HTR7: variants seen among roughly 807,000 people sequenced by gnomAD.
The protein encoded by HTR7 is 5-hydroxytryptamine receptor 7, also known as 5-HT-7.
Under a neutral mutation model 34.0 loss-of-function variants are expected in HTR7, and 16 were observed. The observed-to-expected ratio is 0.47, with a 90% CI of 0.32 to 0.71. HTR7 has a LOEUF of 0.71. HTR7 is among the 30% of genes least tolerant of loss of function. The pLI is 0.04. For synonymous variants in HTR7, 265 were observed against 260.2 expected, an observed-to-expected ratio of 1.02 and a Z score of -0.18; for missense variants, 504 against 625.5, an observed-to-expected ratio of 0.81 and a Z score of 2.07.
At chr10:90,840,214 CAT>C (rs1001786361) in intron 1 of HTR7, among the ~76,000 whole-genome samples, 1 of 149,014 alleles carries the variant, frequency 6.7e-6, no homozygotes, top group African/African-American at 2.5e-5. Flanking sequence ...CACACACACA[CAT>C]CTGGCCTCTC....
intron 1 of HTR7, among the ~76,000 whole-genome samples, chr10:90,845,093 C>T (rs2120104783): frequency 6.6e-6 from 1 of 152,188 alleles, no homozygotes; most frequent in Non-Finnish European, 1.5e-5. Flanking sequence ...ACTTGGTGAT[C>T]AGTAAGTGAC....
At chr10:90,788,943 G>A (rs1470072307) in intron 1 of HTR7, among the ~76,000 whole-genome samples, 1 of 152,126 alleles carries the variant, frequency 6.6e-6, no homozygotes, top group African/African-American at 2.4e-5. Flanking sequence ...CCTTGCTCAA[G>A]TGTCACCTCT....
At chr10:90,840,173 T>TCA (rs1564700009) in intron 1 of HTR7, among the ~76,000 whole-genome samples, 1 of 125,604 alleles carries the variant, frequency 8.0e-6, no homozygotes, top group Admixed American at 7.8e-5. Flanking sequence ...TCTCTCTCTC[T>TCA]CTCTCACACA....
chr10:90,765,891 TATG>T (rs1483344837), intron 1 of HTR7, among the ~76,000 whole-genome samples: 2 of 152,246 alleles, frequency 1.3e-5, no homozygotes, highest in Non-Finnish European at 2.9e-5. Flanking sequence ...AGATACTTGA[TATG>T]ATATTAATCT....
chr10:90,796,615 T>C (rs772332827), intron 1 of HTR7, among the ~76,000 whole-genome samples: 3 of 152,204 alleles, frequency 2.0e-5, no homozygotes, highest in East Asian at 3.9e-4. Context: ...GGGAGGCTAA[T>C]GTGGAAGGAT....
chr10:90,845,106 T>G (rs1846394339), intron 1 of HTR7, among the ~76,000 whole-genome samples: 1 of 152,144 alleles, frequency 6.6e-6, no homozygotes, highest in Non-Finnish European at 1.5e-5. Flanking sequence ...TAAGTGACAG[T>G]GGAAAGCTGA....
At chr10:90,811,653 C>T (rs1333964668) in intron 1 of HTR7, among the ~76,000 whole-genome samples, 2 of 152,098 alleles carry the variant, frequency 1.3e-5, no homozygotes, top group Non-Finnish European at 2.9e-5. Flanking sequence ...TATGCTACTA[C>T]TCCTCAGGGA....
At chr10:90,814,773 C>T (rs1031632285) in intron 1 of HTR7, among the ~76,000 whole-genome samples, 3 of 152,230 alleles carry the variant, frequency 2.0e-5, no homozygotes, top group African/African-American at 7.2e-5. Context: ...CTGGATGGAC[C>T]AAAGGGATTT....
At chr10:90,769,601 T>C (rs1845075856) in intron 1 of HTR7, among the ~76,000 whole-genome samples, 1 of 152,222 alleles carries the variant, frequency 6.6e-6, no homozygotes, top group Non-Finnish European at 1.5e-5. Flanking sequence ...AATTATTTTC[T>C]GGTTTAAAGT....
At chr10:90,854,337 G>A (rs1490603980) in intron 1 of HTR7, among the ~76,000 whole-genome samples, 1 of 152,128 alleles carries the variant, frequency 6.6e-6, no homozygotes, top group Non-Finnish European at 1.5e-5. Flanking sequence ...CTGGGTAACA[G>A]AGTGAGATTC....
In HTR7 at chr10:90,857,438, T is replaced by C. The variant is rs2120145960; in HGVS notation, c.234A>G (p.Arg78=). ...SGCGEQINYG[R]VEKVVIGSIL... The stretch of plus-strand genomic sequence containing the variant: ...TGGAGCCGATCACAACTTTCTCGAC[T>C]CTGCCGTAGTTGATCTGTTCCCCAC... The change falls in exon 1 of 4, where the codon AGA becomes AGG. Residue 78 remains arginine (R), a synonymous_variant. Transcript: ENST00000336152. This position sits in a 1 kb window ranked among gnomAD's most constrained non-coding sequence, Gnocchi z 6.5. 1 of 1,613,980 alleles carries C rather than the reference T, an allele frequency of 6.2e-7. No homozygotes were observed. The highest frequency in any genetic ancestry group is 1.1e-5 in the South Asian group (1 of 91,082).
At chr10:90,771,910 A>T (rs550337652) in intron 1 of HTR7, among the ~76,000 whole-genome samples, 1 of 152,206 alleles carries the variant, frequency 6.6e-6, no homozygotes, top group Non-Finnish European at 1.5e-5. Context: ...AAAATGAGAG[A>T]TTAAAAGGGA....
At chr10:90,844,833 T>C (rs899615938) in intron 1 of HTR7, among the ~76,000 whole-genome samples, 1 of 143,880 alleles carries the variant, frequency 7.0e-6, no homozygotes, top group African/African-American at 2.6e-5. Context: ...TTTTCAAATA[T>C]ACTGATGTGA....
At chr10:90,810,936 A>G (rs561099580) in intron 1 of HTR7, among the ~76,000 whole-genome samples, 1 of 152,148 alleles carries the variant, frequency 6.6e-6, no homozygotes, top group South Asian at 2.1e-4. Flanking sequence ...CACCTTCTAC[A>G]TCCTAGGCAT....
chr10:90,766,741 A>G (rs182680191), intron 1 of HTR7, among the ~76,000 whole-genome samples: 255 of 152,332 alleles, frequency 1.7e-3, no homozygotes, highest in Middle Eastern at 3.4e-3. Flanking sequence ...TACATAAAAT[A>G]TCTTATAGTT....
chr10:90,788,235 T>C (rs950076562), intron 1 of HTR7, among the ~76,000 whole-genome samples: 2 of 152,142 alleles, frequency 1.3e-5, no homozygotes, highest in Non-Finnish European at 2.9e-5. Context: ...CTCTGACAGC[T>C]GATCTGATAA....
intron 1 of HTR7, among the ~76,000 whole-genome samples, chr10:90,761,283 T>C (rs1844930108): frequency 6.6e-6 from 1 of 152,322 alleles, no homozygotes; most frequent in African/African-American, 2.4e-5. Context: ...GCACAGACAG[T>C]TTTCAAAAAA....
intron 2 of HTR7, among the ~76,000 whole-genome samples, chr10:90,746,873 G>A (rs1160322624): frequency 6.6e-6 from 1 of 152,126 alleles, no homozygotes; most frequent in African/African-American, 2.4e-5. Flanking sequence ...GTCTAGGAGT[G>A]GATACCACTC....
intron 1 of HTR7, among the ~76,000 whole-genome samples, chr10:90,790,261 G>A (rs1323253276): frequency 6.6e-6 from 1 of 152,124 alleles, no homozygotes; most frequent in Non-Finnish European, 1.5e-5. Context: ...TAATACAAGG[G>A]AGACCCCAAA....
Sources: allele counts gnomAD v4.1 joint callset (sites outside exome capture counted in the v4.1 genomes callset), GRCh38; gene constraint gnomAD v4.1.1; non-coding constraint Gnocchi (gnomAD v3.1); transcripts MANE v1.5; gene names NCBI Gene and HGNC (gene_info 2026-07-23, HGNC 2026-07-21).